Variants in CD109 observed in about 807,000 individuals in gnomAD.
CD109 encodes the protein CD109 molecule.
Under a neutral mutation model 165.8 loss-of-function variants are expected in CD109, and 149 were observed. That is an observed-to-expected ratio of 0.90 (90% confidence interval 0.79 to 1.03). The LOEUF is 1.03. Among genes scored for constraint, CD109 ranks in the 50% least tolerant of loss-of-function variants. The probability of loss-of-function intolerance (pLI) is 0.00; values close to 1 mark genes in which losing one functional copy is unlikely to be tolerated. For missense variants in CD109, 1,712 were observed against 1,677.8 expected (o/e 1.02, Z -0.36); for synonymous variants, 585 against 592.1 (o/e 0.99, Z 0.18).
rs149256458 is a variant in CD109, at chr6:73,739,334, T to C, written c.633+2826T>C. 3.2e-3 allele frequency among the ~76,000 whole-genome samples: 491 copies of C among 152,298 alleles called. 6 individuals are homozygous for C. The highest frequency in any genetic ancestry group is 0.011 in the African/African-American group (466 of 41,560). On this transcript the variant is annotated intron_variant, in intron 5 of 32. Coordinates refer to ENST00000287097, the MANE Select transcript of CD109 (RefSeq NM_133493.5). ...CCAAGGAAATGTTATGAGAAGCAAC[T>C]GTGGCCTTGGTCTCTGGCTTTTGTT... is the stretch of plus-strand genomic sequence containing the variant.
chr6:73,722,909 A>G (rs1308226408), intron 2 of CD109, among the ~76,000 whole-genome samples: 1 of 152,208 alleles, frequency 6.6e-6, no homozygotes, highest in African/African-American at 2.4e-5. Flanking sequence ...CTACTTCTGT[A>G]CAGCGTGTGA....
Position 73,825,106 on chromosome 6 carries a change from CA to C in CD109, c.*1474del, listed in dbSNP as rs1776230423. 1 of 152,056 alleles carries C rather than the reference CA, an allele frequency of 6.6e-6. No individual in the cohort carries two copies. The highest frequency in any genetic ancestry group is 2.4e-5 in the African/African-American group (1 of 41,398). The allele number at this position is 152,056 out of a possible 1,614,324, so 9.4% of individuals were successfully genotyped here. On this transcript the variant is annotated 3_prime_UTR_variant, in exon 33 of 33. Transcript: ENST00000287097. ...AAATGCTCTTATTTTAGTGAATTTTCAGAAATTATAGTGGAATGGATGCTCA... is the reference window on the plus strand; with the variant it reads ...AAATGCTCTTATTTTAGTGAATTTTCGAAATTATAGTGGAATGGATGCTCA...
intron 2 of CD109, among the ~76,000 whole-genome samples, chr6:73,717,133 C>T (rs1236336029): frequency 3.3e-5 from 5 of 151,640 alleles, no homozygotes; most frequent in African/African-American, 7.3e-5. Context: ...TTCCATTGGT[C>T]GTGTGTCTGT....
At position 73,785,382 on chromosome 6, in the gene CD109, T is replaced by C; in HGVS notation, c.2242T>C (p.Phe748Leu). ...TPVELQAFQP[F>L]FIFLNLPYSV... ...TTTCCAGCTCCAAGCCTTCCAACCA[T>C]TTTTCATTTTTTTGAATCTTCCCTA... The change falls in exon 20 of 33, where the codon TTT becomes CTT. Residue 748 changes from phenylalanine to leucine, a missense_variant. Physicochemically the swap from Phe to Leu is conservative, Grantham distance 22 (BLOSUM62 0). Transcript: ENST00000287097. 6.2e-7 allele frequency: 1 copy of C among 1,600,786 alleles called. No homozygotes were observed. Among genetic ancestry groups the C allele is most frequent in the Non-Finnish European group, 8.5e-7 (1 of 1,171,174 alleles).
chr6:73,749,973 G>A (rs1246315202), intron 5 of CD109, among the ~76,000 whole-genome samples: 1 of 152,152 alleles, frequency 6.6e-6, no homozygotes, highest in Non-Finnish European at 1.5e-5. Flanking sequence ...CTACCAGGGG[G>A]TTAGTATTAT....
At chr6:73,699,685 G>T (rs573393783) in intron 2 of CD109, among the ~76,000 whole-genome samples, 1 of 152,126 alleles carries the variant, frequency 6.6e-6, no homozygotes, top group African/African-American at 2.4e-5. Flanking sequence ...AGACTGGGGC[G>T]GGCAAAGCTG....
At chr6:73,708,114 C>T (rs1366752016) in intron 2 of CD109, among the ~76,000 whole-genome samples, 1 of 151,710 alleles carries the variant, frequency 6.6e-6, no homozygotes, top group Non-Finnish European at 1.5e-5. Context: ...GCGTCACTTA[C>T]ATTAGGTGTA....
At chr6:73,705,999 C>T (rs1159914739) in intron 2 of CD109, among the ~76,000 whole-genome samples, 1 of 151,932 alleles carries the variant, frequency 6.6e-6, no homozygotes, top group Non-Finnish European at 1.5e-5. Context: ...TGGATAATTC[C>T]TGGGTTAGAA....
chr6:73,758,926 C>T lies in CD109; in HGVS notation c.674-18C>T. 1 of 1,398,838 alleles carries T rather than the reference C, an allele frequency of 7.1e-7. No homozygotes were observed. The highest frequency in any genetic ancestry group is 2.3e-5 in the East Asian group (1 of 43,714). The allele number at this position is 1,398,838 out of a possible 1,614,324, so 86.7% of individuals were successfully genotyped here. On this transcript the variant is annotated intron_variant, in intron 6 of 32. Coordinates refer to ENST00000287097, the MANE Select transcript of CD109 (RefSeq NM_133493.5). ...TCTCAAAAAGAAAAAAAGATTTACC[C>T]TTGCTTTTCTTTTCCAGTATTACCA...
chr6:73,713,898 A>T (rs1383252437), intron 2 of CD109, among the ~76,000 whole-genome samples: 1 of 152,014 alleles, frequency 6.6e-6, no homozygotes, highest in Non-Finnish European at 1.5e-5. Context: ...ATGTCATTGG[A>T]TAAAAATAAA....
In CD109 at chr6:73,791,162, T is replaced by TATATATATATACACATACAC. The variant is rs1774932684; in HGVS notation, c.2702-1453_2702-1452insCACATACACATATATATATA. On this transcript the variant is annotated intron_variant, in intron 22 of 32. Coordinates refer to ENST00000287097, the MANE Select transcript of CD109 (RefSeq NM_133493.5). Reference sequence around the variant, plus strand: ...ATATATATATATATATATATATATATATATATATATATATACACACACACA... The same window carrying TATATATATATACACATACAC: ...ATATATATATATATATATATATATATATATATATATACACATACACATATATATATATATACACACACACA... 2.3e-3 allele frequency among the ~76,000 whole-genome samples: 84 copies of TATATATATATACACATACAC among 36,296 alleles called. 1 individual carries two copies. The highest frequency in any genetic ancestry group is 6.6e-3 in the East Asian group (6 of 904). 23.8% of individuals were successfully genotyped at this position (36,296 alleles called of 152,430 possible).
intron 32 of CD109, among the ~76,000 whole-genome samples, chr6:73,821,429 A>G (rs1343198975): frequency 6.6e-6 from 1 of 152,238 alleles, no homozygotes; most frequent in Non-Finnish European, 1.5e-5. Flanking sequence ...TCATATGTTT[A>G]TCACAGCACT....
the CD109 span, among the ~76,000 whole-genome samples, chr6:73,681,544 A>G: frequency 9.9e-5 from 15 of 152,152 alleles, no homozygotes; most frequent in East Asian, 2.1e-3. Flanking sequence ...AAGGAGAAAC[A>G]AGTCATGTCT....
intron 19 of CD109, among the ~76,000 whole-genome samples, chr6:73,784,029 C>T (rs6917630): frequency 0.38 from 58,168 of 151,754 alleles, 11,365 homozygotes; most frequent in African/African-American, 0.45. Context: ...GTGCAAAGTC[C>T]GTATTAAGAT....
At position 73,736,423 on chromosome 6, in the gene CD109, A is replaced by G. The variant is rs181286335; in HGVS notation, c.548A>G (p.Gln183Arg). 4.3e-6 allele frequency: 7 copies of G among 1,613,976 alleles called. No homozygotes were observed. In the East Asian group the frequency reaches 1.3e-4, roughly 31 times the overall value. The change falls in exon 5 of 33, where the codon CAA (glutamine) becomes CGA (arginine). Residue 183 changes from glutamine (Q) to arginine (R), a missense_variant. Coordinates refer to ENST00000287097, the MANE Select transcript of CD109 (RefSeq NM_133493.5). ...TTGATCCAACAGTGGTTGTCACAAC[A>G]AAGTGATCTTGGAGTCATTTCCAAA... ...SNLIQQWLSQ[Q>R]SDLGVISKTF... is the part of the protein sequence containing the mutation.
chr6:73,709,218 T>C lies in CD109; in HGVS notation c.247+11646T>C, dbSNP rs527930991. Among the ~76,000 whole-genome samples the C allele has an allele frequency of 4.6e-5, 7 of 152,298 alleles. No homozygotes were observed. The East Asian group carries it at 5.8e-4, about 13-fold the overall frequency. ...GGATCCAGTTTCAGCTTTCTACATA[T>C]GGCTAGCCAGTTTTCCCAGCACCAT... On this transcript the variant is annotated intron_variant, in intron 2 of 32. Coordinates refer to ENST00000287097, the MANE Select transcript of CD109 (RefSeq NM_133493.5).
chr6:73,684,568 A>T, the CD109 span, among the ~76,000 whole-genome samples: 1 of 151,776 alleles, frequency 6.6e-6, no homozygotes, highest in Non-Finnish European at 1.5e-5. Flanking sequence ...GTATAAGGTG[A>T]TATCTCTTTG....
In CD109 at chr6:73,783,902, T is replaced by TA. The variant is rs578097754; in HGVS notation, c.2223+81dup. On this transcript the variant is annotated intron_variant, in intron 19 of 32. Transcript: ENST00000287097. ...AGCGTCAGCTCCTCAATTTTTTTTT[T>TA]AAATGACTGCTTATAATGTTTATCA... The TA allele has an allele frequency of 7.0e-5, 47 of 675,228 alleles. 1 individual carries two copies. The East Asian group carries it at 7.9e-4, about 11-fold the overall frequency. The allele number at this position is 675,228 out of a possible 1,614,324, so 41.8% of individuals were successfully genotyped here.
At chr6:73,808,616 A>T (rs1355189854) in intron 26 of CD109, among the ~76,000 whole-genome samples, 1 of 152,124 alleles carries the variant, frequency 6.6e-6, no homozygotes, top group Non-Finnish European at 1.5e-5. Context: ...AGTTTTCCCA[A>T]CTGTAAAGTG....
Sources: allele counts gnomAD v4.1 joint callset (sites outside exome capture counted in the v4.1 genomes callset), GRCh38; gene constraint gnomAD v4.1.1; transcripts MANE v1.5; gene names NCBI Gene and HGNC (gene_info 2026-07-23, HGNC 2026-07-21).